PDE4C: variants seen among roughly 807,000 people sequenced by gnomAD.
PDE4C encodes the protein phosphodiesterase 4C.
In PDE4C, 50 loss-of-function variants were observed where a neutral mutation model predicts 63.9. The observed-to-expected ratio is 0.78, with a 90% CI of 0.62 to 0.99. The LOEUF is 0.99. Ranked by LOEUF, PDE4C falls within the 50% of genes least tolerant of loss-of-function variation. The probability of loss-of-function intolerance (pLI) is 0.00; values close to 1 mark genes in which losing one functional copy is unlikely to be tolerated. For missense variants in PDE4C, 777 were observed against 899.1 expected, an observed-to-expected ratio of 0.86 and a Z score of 1.74; for synonymous variants, 377 against 385.1, an observed-to-expected ratio of 0.98 and a Z score of 0.25.
At chr19:18,222,657 T>TTCTC (rs138832810) in intron 1 of PDE4C, among the ~76,000 whole-genome samples, 3,351 of 82,318 alleles carry the variant, frequency 0.041, 186 homozygotes, top group East Asian at 0.26. Context: ...TTCTCGTTCT[T>TTCTC]TCTCTCTCTC....
At chr19:18,213,136 T>C (rs943845601) in intron 13 of PDE4C, among the ~76,000 whole-genome samples, 2 of 150,644 alleles carry the variant, frequency 1.3e-5, no homozygotes, top group African/African-American at 4.9e-5. Flanking sequence ...CAAAAAAAAT[T>C]AGCTGGGCGC....
At chr19:18,232,411 G>T (rs897863627) in intron 1 of PDE4C, among the ~76,000 whole-genome samples, 1 of 129,416 alleles carries the variant, frequency 7.7e-6, no homozygotes, top group East Asian at 2.7e-4. Context: ...GTGTGTGTGC[G>T]TGTGTGTGTG....
chr19:18,223,511 A>G (rs922387854), intron 1 of PDE4C, among the ~76,000 whole-genome samples: 1 of 150,048 alleles, frequency 6.7e-6, no homozygotes, highest in Admixed American at 6.6e-5. Flanking sequence ...TGCCCGGCCA[A>G]AGTTTTGTAT....
exon 1 of PDE4C, chr19:18,233,285 C>G (rs1359589543): frequency 7.0e-5 from 106 of 1,517,400 alleles, no homozygotes; most frequent in Non-Finnish European, 9.1e-5. Flanking sequence ...GGCCCAGGGC[C>G]GGGAGTGGAG....
chr19:18,247,527 C>G (rs1282161413), intron 1 of PDE4C, among the ~76,000 whole-genome samples: 1 of 152,174 alleles, frequency 6.6e-6, no homozygotes, highest in Non-Finnish European at 1.5e-5. Flanking sequence ...AACTCCTGAC[C>G]TCAAGTGATC....
rs1379568967 is a variant in PDE4C, at chr19:18,221,115, C to CTAGG, written c.435_438dup (p.Gly147ProfsTer104). ...CCGCCCTCTACCTACTTGGCTGCTC[C>CTAGG]TAGGCATTGCTGGCGGGCAAGGGCC... On this transcript the variant is annotated frameshift_variant, in exon 4 of 15. Transcript: ENST00000262805. LOFTEE classifies it high-confidence loss of function. 1 of 1,591,842 alleles carries CTAGG rather than the reference C, an allele frequency of 6.3e-7. No individual in the cohort carries two copies. The highest frequency in any genetic ancestry group is 8.5e-7 in the Non-Finnish European group (1 of 1,173,980).
upstream of PDE4C, among the ~76,000 whole-genome samples, chr19:18,251,288 G>A (rs1969226275): frequency 6.7e-6 from 1 of 148,536 alleles, no homozygotes; most frequent in Admixed American, 6.7e-5. Context: ...ACCATGCCTG[G>A]CTATTTTTTG....
intron 12 of PDE4C, among the ~76,000 whole-genome samples, chr19:18,214,091 T>A (rs1313603317): frequency 6.6e-6 from 1 of 151,954 alleles, no homozygotes; most frequent in African/African-American, 2.4e-5. Context: ...ACCCCGTCTC[T>A]ACTAAAAATA....
At chr19:18,227,994 C>A (rs958076333), upstream of PDE4C, among the ~76,000 whole-genome samples, 1 of 152,142 alleles carries the variant, frequency 6.6e-6, no homozygotes, top group Non-Finnish European at 1.5e-5. Flanking sequence ...CAGGAAGCCC[C>A]CCTAACCCCC....
At chr19:18,231,235 C>G (rs988792595), upstream of PDE4C, among the ~76,000 whole-genome samples, 3 of 152,238 alleles carry the variant, frequency 2.0e-5, no homozygotes, top group Admixed American at 1.3e-4. Flanking sequence ...GCATGCTCAT[C>G]CACGTATGTG....
At chr19:18,255,326 T>G in the PDE4C span, 1 of 398,770 alleles carries the variant, frequency 2.5e-6, no homozygotes, top group Non-Finnish European at 4.4e-6. The surrounding 1 kb of genome is among the most constrained non-coding windows in gnomAD (Gnocchi z 4.6). Context: ...CGGGAGGGCC[T>G]GCCACCGGCT....
At chr19:18,239,579 CA>C (rs1969006083) in intron 1 of PDE4C, among the ~76,000 whole-genome samples, 1 of 152,122 alleles carries the variant, frequency 6.6e-6, no homozygotes, top group Admixed American at 6.6e-5. Flanking sequence ...GAATGGGGCA[CA>C]AAACTGGAAC....
At chr19:18,224,824 G>T (rs1161568442) in intron 1 of PDE4C, among the ~76,000 whole-genome samples, 1 of 152,250 alleles carries the variant, frequency 6.6e-6, no homozygotes, top group Non-Finnish European at 1.5e-5. Flanking sequence ...CGTCTGGGGT[G>T]CGCCGTGGGC....
upstream of PDE4C, chr19:18,248,331 C>T (rs1969168981): frequency 2.5e-5 from 10 of 406,334 alleles, no homozygotes; most frequent in Non-Finnish European, 5.0e-6. Flanking sequence ...AATCCACACA[C>T]TTTCCTTGGG....
intron 1 of PDE4C, among the ~76,000 whole-genome samples, chr19:18,247,830 C>T (rs1969157916): frequency 6.6e-6 from 1 of 152,182 alleles, no homozygotes; most frequent in African/African-American, 2.4e-5. Flanking sequence ...ACTCTCTGCA[C>T]CCTCCCTTGA....
intron 7 of PDE4C, 51 bp from the exon 8 acceptor site, chr19:18,219,448 GC>G (rs1340179458): frequency 6.5e-7 from 1 of 1,526,750 alleles, no homozygotes. Flanking sequence ...ACCTGCTGGG[GC>G]CTGGCCTCAG....
At chr19:18,247,707 G>A (rs1159409452) in intron 1 of PDE4C, among the ~76,000 whole-genome samples, 1 of 152,090 alleles carries the variant, frequency 6.6e-6, no homozygotes, top group African/African-American at 2.4e-5. Context: ...GTCCTGCTGT[G>A]CCTCATGCTG....
exon 14 of PDE4C, chr19:18,211,759 C>G (rs760062134): frequency 6.2e-7 from 1 of 1,614,204 alleles, no homozygotes; most frequent in Admixed American, 1.7e-5. Flanking sequence ...CCCTGCCAAC[C>G]TGGGACTTCT....
intron 4 of PDE4C, 50 bp downstream of exon 4, chr19:18,221,055 C>CCCCCCCCCCCCCCCCCCCCCCAGGG: frequency 2.6e-6 from 2 of 763,412 alleles, no homozygotes; most frequent in Non-Finnish European, 3.6e-6. Context: ...GCTTTCCGCC[C>CCCCCCCCCCCCCCCCCCCCCCAGGG]ACCTTGTCTC....
Sources: gnomAD v4.1 joint callset for allele counts (sites outside exome capture counted in the v4.1 genomes callset) on GRCh38, gnomAD v4.1.1 for gene constraint, Gnocchi (gnomAD v3.1) non-coding constraint, MANE v1.5 for transcripts, NCBI Gene and HGNC (gene_info 2026-07-23, HGNC 2026-07-21) for gene names.